DLG2: variants seen among roughly 807,000 people sequenced by gnomAD.
DLG2 encodes the protein disks large homolog 2.
A neutral mutation model predicts 132.5 loss-of-function variants in DLG2; 45 were observed. That is an observed-to-expected ratio of 0.34 (90% CI 0.27 to 0.44). The LOEUF (loss-of-function observed/expected upper bound fraction) is 0.44, where lower values mean the gene tolerates loss of function less well. Among genes scored for constraint, DLG2 ranks in the 20% least tolerant of loss-of-function variants. The pLI is 1.00. For synonymous variants in DLG2, 424 were observed against 419.6 expected (o/e 1.01, Z -0.13); for missense variants, 1,045 against 1,196.9 (o/e 0.87, Z 1.87).
chr11:83,901,465 T>A (rs772117027), intron 15 of DLG2, among the ~76,000 whole-genome samples: 3 of 152,158 alleles, frequency 2.0e-5, no homozygotes, highest in Admixed American at 6.5e-5. Flanking sequence ...GTCTTTCCTG[T>A]GCTGTTCTTG....
At chr11:85,247,931 T>C (rs1391760287) in intron 4 of DLG2, among the ~76,000 whole-genome samples, 1 of 152,076 alleles carries the variant, frequency 6.6e-6, no homozygotes, top group Non-Finnish European at 1.5e-5. Context: ...TCAATTATCT[T>C]GACAACATTC....
At chr11:83,723,131 A>G (rs900897096) in intron 18 of DLG2, among the ~76,000 whole-genome samples, 1 of 152,194 alleles carries the variant, frequency 6.6e-6, no homozygotes, top group African/African-American at 2.4e-5. Context: ...CTGTAATCCC[A>G]GCACTTTGGG....
intron 26 of DLG2, among the ~76,000 whole-genome samples, chr11:83,462,598 G>A (rs1174679754): frequency 6.6e-6 from 1 of 152,130 alleles, no homozygotes; most frequent in Non-Finnish European, 1.5e-5. Flanking sequence ...TCAGAGACTG[G>A]GAAGGGAAGG....
chr11:85,527,112 C>T (rs1231735368), intron 3 of DLG2, among the ~76,000 whole-genome samples: 2 of 151,608 alleles, frequency 1.3e-5, no homozygotes, highest in Non-Finnish European at 2.9e-5. Context: ...ACAACAAACA[C>T]ATGAAAAGGT....
At chr11:84,014,884 C>T (rs1342369278) in intron 11 of DLG2, among the ~76,000 whole-genome samples, 1 of 148,320 alleles carries the variant, frequency 6.7e-6, no homozygotes, top group Non-Finnish European at 1.5e-5. Flanking sequence ...AAAAGGCCAA[C>T]ATCTACACAG....
At chr11:84,491,509 A>G (rs1291545496) in intron 7 of DLG2, among the ~76,000 whole-genome samples, 1 of 152,178 alleles carries the variant, frequency 6.6e-6, no homozygotes, top group Non-Finnish European at 1.5e-5. Context: ...AGACTAATAC[A>G]TACAGTTACC....
rs556106707 is a variant in DLG2 at position 85,063,687 on chromosome 11, T to C, written c.357+47974A>G. ...TGCGTGCAGCTAAATGAGTTTTTTT[T>C]CCCATTCTTTCTTGAATAAAATATA... is the stretch of plus-strand genomic sequence containing the variant. On this transcript the variant is annotated intron_variant, in intron 6 of 27. Transcript: ENST00000376104. Among the ~76,000 whole-genome samples the C allele has an allele frequency of 2.0e-4, 31 of 152,000 alleles. 1 individual carries two copies. The South Asian group carries it at 2.7e-3, about 13-fold the overall frequency.
At chr11:85,378,112 T>C (rs1288743326) in intron 3 of DLG2, among the ~76,000 whole-genome samples, 2 of 152,056 alleles carry the variant, frequency 1.3e-5, no homozygotes, top group Non-Finnish European at 2.9e-5. Context: ...AGAATCAATG[T>C]GATTTACAGA....
At chr11:84,306,232 A>C (rs938781855) in intron 7 of DLG2, among the ~76,000 whole-genome samples, 1 of 152,178 alleles carries the variant, frequency 6.6e-6, no homozygotes, top group African/African-American at 2.4e-5. Flanking sequence ...ACATGCATTG[A>C]AACATCACAT....
chr11:84,081,275 C>T (rs777104486), intron 10 of DLG2, among the ~76,000 whole-genome samples: 7 of 151,914 alleles, frequency 4.6e-5, no homozygotes, highest in Non-Finnish European at 8.8e-5. Context: ...GGTCACTGTG[C>T]GAAGGATGAT....
chr11:84,451,192 T>C (rs1294445689), intron 7 of DLG2, among the ~76,000 whole-genome samples: 4 of 151,896 alleles, frequency 2.6e-5, no homozygotes, highest in African/African-American at 9.7e-5. Flanking sequence ...TTATAAATGT[T>C]TGTATTTCTT....
chr11:83,887,565 T>C (rs1268935724), intron 15 of DLG2, among the ~76,000 whole-genome samples: 1 of 151,688 alleles, frequency 6.6e-6, no homozygotes, highest in East Asian at 1.9e-4. Flanking sequence ...TTCCAATCAA[T>C]AGAAAAAGAG....
chr11:84,612,489 A>G (rs961236367), intron 6 of DLG2, among the ~76,000 whole-genome samples: 1 of 152,202 alleles, frequency 6.6e-6, no homozygotes, highest in African/African-American at 2.4e-5. Context: ...GATAACGTTC[A>G]TGATGGCTAG....
At chr11:83,680,568 C>T (rs960832168) in intron 18 of DLG2, among the ~76,000 whole-genome samples, 13 of 152,110 alleles carry the variant, frequency 8.5e-5, no homozygotes, top group African/African-American at 2.9e-4. Flanking sequence ...GTGGGGCAGC[C>T]GCTTGTGGAT....
intron 6 of DLG2, among the ~76,000 whole-genome samples, chr11:84,992,260 G>A (rs923065928): frequency 2.0e-5 from 3 of 152,106 alleles, no homozygotes; most frequent in East Asian, 1.9e-4. Context: ...GGCTTATCTA[G>A]GTAAGTAATA....
intron 17 of DLG2, among the ~76,000 whole-genome samples, chr11:83,788,524 C>T (rs1333721556): frequency 6.6e-6 from 1 of 152,144 alleles, no homozygotes; most frequent in Non-Finnish European, 1.5e-5. Context: ...GTATAAAATT[C>T]CAGATCTATT....
intron 3 of DLG2, among the ~76,000 whole-genome samples, chr11:85,412,543 C>T (rs2089408519): frequency 6.6e-6 from 1 of 151,592 alleles, no homozygotes; most frequent in Admixed American, 6.6e-5. Flanking sequence ...ACGGAGTCCC[C>T]AGAGTTCACT....
intron 7 of DLG2, among the ~76,000 whole-genome samples, chr11:84,268,655 G>A (rs1028291351): frequency 1.3e-4 from 20 of 149,468 alleles, no homozygotes; most frequent in African/African-American, 4.9e-4. Flanking sequence ...TAGAGATGGG[G>A]TTTCACTGAG....
chr11:84,963,480 C>G lies in DLG2; in HGVS notation c.357+148181G>C, dbSNP rs150502287. ...TCAATAAGGTATCTGCAGAGGAACTCTGATACCATTATTCATTAACTGTTC... is the reference window on the plus strand; with the variant it reads ...TCAATAAGGTATCTGCAGAGGAACTGTGATACCATTATTCATTAACTGTTC... On this transcript the variant is annotated intron_variant, in intron 6 of 27. Coordinates refer to ENST00000376104, the MANE Select transcript of DLG2 (RefSeq NM_001142699.3). Among the ~76,000 whole-genome samples the G allele has an allele frequency of 9.5e-4, 145 of 152,272 alleles. 1 individual carries two copies. The East Asian group carries it at 0.019, about 20-fold the overall frequency.
Sources: allele counts gnomAD v4.1 joint callset (sites outside exome capture counted in the v4.1 genomes callset), GRCh38; gene constraint gnomAD v4.1.1; transcripts MANE v1.5; gene names NCBI Gene and HGNC (gene_info 2026-07-23, HGNC 2026-07-21).